COL19A1: variants seen among roughly 807,000 people sequenced by gnomAD.
COL19A1 encodes the protein collagen type XIX alpha 1 chain.
A neutral mutation model predicts 190.2 loss-of-function variants in COL19A1; 159 were observed. The ratio of observed to expected loss-of-function variants is 0.84; its 90% CI spans 0.73 to 0.95. The LOEUF (loss-of-function observed/expected upper bound fraction) is 0.95, where lower values mean the gene tolerates loss of function less well. COL19A1 is among the 40% of genes least tolerant of loss of function. The pLI is 0.00. For missense variants in COL19A1, 1,418 were observed against 1,431.9 expected (o/e 0.99, Z 0.16); for synonymous variants, 509 against 458.9 (o/e 1.11, Z -1.39).
At chr6:70,206,634 C>CAAAA (rs34634051) in intron 49 of COL19A1, among the ~76,000 whole-genome samples, 11 of 101,910 alleles carry the variant, frequency 1.1e-4, no homozygotes, top group Non-Finnish European at 1.5e-4. Context: ...GACTCTGTCT[C>CAAAA]AAAAAAAAAA....
chr6:70,176,762 G>GTTTTT (rs1311661927), intron 42 of COL19A1, among the ~76,000 whole-genome samples, 198 bp downstream of exon 42: 4 of 152,074 alleles, frequency 2.6e-5, no homozygotes, highest in African/African-American at 9.7e-5. Flanking sequence ...GTTTTGTTTT[G>GTTTTT]TTTTTTGTCC....
chr6:69,991,138 T>C (rs921758074), intron 11 of COL19A1, among the ~76,000 whole-genome samples: 1 of 152,106 alleles, frequency 6.6e-6, no homozygotes, highest in African/African-American at 2.4e-5. Context: ...AGTGAGAATG[T>C]GCAGTATTTG....
intron 4 of COL19A1, among the ~76,000 whole-genome samples, chr6:69,910,908 GGT>G (rs1318943263): frequency 1.3e-5 from 2 of 152,118 alleles, no homozygotes; most frequent in African/African-American, 4.8e-5. Context: ...ATTATCCTTA[GGT>G]GGTTGCAAAT....
At chr6:70,063,570 A>T (rs1246385001) in intron 14 of COL19A1, among the ~76,000 whole-genome samples, 1 of 152,200 alleles carries the variant, frequency 6.6e-6, no homozygotes, top group African/African-American at 2.4e-5. Flanking sequence ...CAATTAAAAG[A>T]ACTAGAGAAG....
intron 4 of COL19A1, among the ~76,000 whole-genome samples, chr6:69,917,600 C>T (rs1333309126): frequency 6.6e-6 from 1 of 152,014 alleles, no homozygotes; most frequent in Non-Finnish European, 1.5e-5. Flanking sequence ...TAGGCACAAA[C>T]CTATGAAGAA....
At chr6:70,140,918 G>T in intron 19 of COL19A1, 36 bp from the exon 20 acceptor site, 1 of 1,605,000 alleles carries the variant, frequency 6.2e-7, no homozygotes, top group Non-Finnish European at 8.5e-7. Flanking sequence ...TTATTTCTAA[G>T]AGCGTTTAAT....
At chr6:69,996,203 T>G (rs1013852766) in intron 11 of COL19A1, among the ~76,000 whole-genome samples, 1 of 152,184 alleles carries the variant, frequency 6.6e-6, no homozygotes, top group African/African-American at 2.4e-5. Flanking sequence ...AGGAGTTATT[T>G]GCTTCTATCT....
At chr6:70,023,131 C>CTTTTTTTTTTTTTTTTTTTTTTTTT (rs1419955153) in intron 11 of COL19A1, among the ~76,000 whole-genome samples, 1 of 142,230 alleles carries the variant, frequency 7.0e-6, no homozygotes. Flanking sequence ...TTTTATGCAG[C>CTTTTTTTTTTTTTTTTTTTTTTTTT]TATTTTTTTT....
At chr6:70,133,728 C>T (rs1785660867) in intron 18 of COL19A1, among the ~76,000 whole-genome samples, 1 of 152,182 alleles carries the variant, frequency 6.6e-6, no homozygotes, top group African/African-American at 2.4e-5. Flanking sequence ...AACTTCATCA[C>T]TTGTGTTTCA....
chr6:70,041,482 C>G (rs1779630014), intron 14 of COL19A1, among the ~76,000 whole-genome samples: 1 of 151,912 alleles, frequency 6.6e-6, no homozygotes, highest in Admixed American at 6.6e-5. Context: ...AAATGGTAGA[C>G]ATTTATTCAG....
At chr6:70,136,803 T>TA (rs1444978472) in intron 18 of COL19A1, among the ~76,000 whole-genome samples, 1 of 151,912 alleles carries the variant, frequency 6.6e-6, no homozygotes, top group African/African-American at 2.4e-5. Context: ...TCTTTTGAAG[T>TA]AAAAAAATAG....
chr6:69,946,046 T>C (rs1773774316), intron 9 of COL19A1, among the ~76,000 whole-genome samples: 1 of 151,722 alleles, frequency 6.6e-6, no homozygotes, highest in South Asian at 2.1e-4. Context: ...AGCTTTGGGG[T>C]TTTTCCTGGA....
chr6:69,937,035 T>C (rs1773158027), intron 8 of COL19A1, 125 bp downstream of exon 8: 7 of 1,325,160 alleles, frequency 5.3e-6, no homozygotes, highest in Middle Eastern at 3.9e-4. Flanking sequence ...AATACCTCAG[T>C]TACTGGGGTG....
chr6:69,896,322 G>A (rs1769740313), intron 2 of COL19A1, among the ~76,000 whole-genome samples: 1 of 151,812 alleles, frequency 6.6e-6, no homozygotes, highest in South Asian at 2.1e-4. Flanking sequence ...TGGATCATGA[G>A]GTCAGGAGAT....
In COL19A1 at chr6:69,962,879, C is replaced by T. The variant is rs757249652; in HGVS notation, c.1026+9C>T. 3 of 1,598,810 alleles carry T rather than the reference C, an allele frequency of 1.9e-6. No homozygotes were observed. The South Asian group carries it at 3.4e-5, about 18-fold the overall frequency. On this transcript the variant is annotated intron_variant, in intron 11 of 50. Transcript: ENST00000620364. ...GAGAAACTGGTGAAAAGGTAAATAT[C>T]TCTTTTTACATTCACATCTGTAAAA...
At chr6:70,045,677 T>G (rs1036908219) in intron 14 of COL19A1, among the ~76,000 whole-genome samples, 2 of 152,294 alleles carry the variant, frequency 1.3e-5, no homozygotes, top group South Asian at 4.1e-4. Context: ...AGCCAGAGAT[T>G]TGGGGAGAGC....
At chr6:69,944,978 G>A (rs1022660611) in intron 9 of COL19A1, among the ~76,000 whole-genome samples, 2 of 151,920 alleles carry the variant, frequency 1.3e-5, no homozygotes, top group African/African-American at 2.4e-5. Flanking sequence ...GTTAGCAAAT[G>A]TAGTTAGCAA....
At position 70,146,644 on chromosome 6, in the gene COL19A1, C is replaced by CTTT; in HGVS notation, c.1771-10_1771-8dup. ...TTCTAGAAGAAGATATGTATTCATA[C>CTTT]TTTTTTTCTTTTAGGGATTAGATGG... On this transcript the variant is annotated splice_polypyrimidine_tract_variant and intron_variant, in intron 25 of 50. Coordinates refer to ENST00000620364, the MANE Select transcript of COL19A1 (RefSeq NM_001858.6). 1 of 1,594,616 alleles carries CTTT rather than the reference C, an allele frequency of 6.3e-7. No individual in the cohort carries two copies. The highest frequency in any genetic ancestry group is 1.1e-5 in the South Asian group (1 of 87,954).
intron 17 of COL19A1, among the ~76,000 whole-genome samples, chr6:70,128,676 A>G (rs1785341955): frequency 6.6e-6 from 1 of 152,218 alleles, no homozygotes; most frequent in African/African-American, 2.4e-5. Flanking sequence ...ACATTATTCA[A>G]GGCTATTGCA....
Sources: allele counts gnomAD v4.1 joint callset (sites outside exome capture counted in the v4.1 genomes callset), GRCh38; gene constraint gnomAD v4.1.1; transcripts MANE v1.5; gene names NCBI Gene and HGNC (gene_info 2026-07-23, HGNC 2026-07-21).